KCNIP1: variants seen among roughly 807,000 people sequenced by gnomAD.
The protein encoded by KCNIP1 is potassium voltage-gated channel interacting protein 1, also known as A-type potassium channel modulatory protein KCNIP1.
KCNIP1 carries 18 observed loss-of-function variants against 33.0 expected under a neutral mutation model. The observed-to-expected ratio is 0.55, with a 90% CI of 0.38 to 0.81. The LOEUF (loss-of-function observed/expected upper bound fraction) is 0.81, where lower values mean the gene tolerates loss of function less well. Ranked by LOEUF, KCNIP1 falls within the 30% of genes least tolerant of loss-of-function variation. The pLI, the probability that KCNIP1 is intolerant of heterozygous loss-of-function variation, is 0.00. For missense variants in KCNIP1, 238 were observed against 271.6 expected (o/e 0.88, Z 0.87); for synonymous variants, 93 against 98.3 (o/e 0.95, Z 0.32).
At chr5:170,578,926 G>A (rs1012572316) in intron 1 of KCNIP1, among the ~76,000 whole-genome samples, 5 of 152,178 alleles carry the variant, frequency 3.3e-5, no homozygotes, top group African/African-American at 9.7e-5. Context: ...AGGGCCCTGA[G>A]GTGGGAACAA....
At chr5:170,695,283 A>T (rs1462473959) in intron 1 of KCNIP1, among the ~76,000 whole-genome samples, 2 of 151,896 alleles carry the variant, frequency 1.3e-5, no homozygotes, top group African/African-American at 2.4e-5. Flanking sequence ...CAGTTGCAAC[A>T]CTCTCCTAGC....
At chr5:170,627,602 G>T (rs1220736545) in intron 1 of KCNIP1, among the ~76,000 whole-genome samples, 1 of 152,250 alleles carries the variant, frequency 6.6e-6, no homozygotes, top group African/African-American at 2.4e-5. Context: ...GCCTGAGATG[G>T]CTCATGGGTG....
At chr5:170,376,147 A>ATTTT (rs1383749227) in intron 1 of KCNIP1, 2 of 96,516 alleles carry the variant, frequency 2.1e-5, no homozygotes, top group Admixed American at 2.2e-4. Context: ...TTCATGACTT[A>ATTTT]TTCTTTTTTT....
chr5:170,695,522 C>G (rs1487798324), intron 1 of KCNIP1, among the ~76,000 whole-genome samples: 2 of 152,218 alleles, frequency 1.3e-5, no homozygotes, highest in African/African-American at 4.8e-5. Context: ...ACTGTATATT[C>G]ATCCGTGCTG....
intron 1 of KCNIP1, among the ~76,000 whole-genome samples, chr5:170,630,656 G>A (rs11959284): frequency 0.013 from 1,935 of 152,318 alleles, 46 homozygotes; most frequent in African/African-American, 0.044. Context: ...AATGGGCACA[G>A]CACAGGTGAG....
At chr5:170,517,399 A>G (rs891875051) in intron 1 of KCNIP1, among the ~76,000 whole-genome samples, 3 of 152,212 alleles carry the variant, frequency 2.0e-5, no homozygotes, top group African/African-American at 7.2e-5. Flanking sequence ...GGGTGAGGAC[A>G]TAGAGGCAAA....
chr5:170,382,045 C>G (rs2113336837), intron 1 of KCNIP1, among the ~76,000 whole-genome samples: 1 of 152,258 alleles, frequency 6.6e-6, no homozygotes, highest in Middle Eastern at 3.4e-3. Flanking sequence ...GCACCCTGCC[C>G]CTTCCCGTCC....
intron 1 of KCNIP1, among the ~76,000 whole-genome samples, chr5:170,467,549 G>A (rs973286377): frequency 2.6e-5 from 4 of 152,138 alleles, no homozygotes; most frequent in African/African-American, 7.2e-5. Flanking sequence ...CCCCATCCAC[G>A]CTCAGGTTCT....
intron 1 of KCNIP1, chr5:170,422,251 G>A (rs1470189943): frequency 6.6e-6 from 1 of 152,208 alleles, no homozygotes; most frequent in Non-Finnish European, 1.5e-5. Context: ...AGGGCAATGA[G>A]AAAGGAACTT....
At chr5:170,533,088 A>C (rs938682912) in intron 1 of KCNIP1, among the ~76,000 whole-genome samples, 2 of 152,218 alleles carry the variant, frequency 1.3e-5, no homozygotes, top group African/African-American at 2.4e-5. Context: ...GTCTGTTTAG[A>C]AACTCAGGAG....
chr5:170,358,422 C>T (rs1445077813), intron 1 of KCNIP1, among the ~76,000 whole-genome samples: 2 of 152,180 alleles, frequency 1.3e-5, no homozygotes, highest in South Asian at 2.1e-4. Flanking sequence ...CCTCTTGCCT[C>T]CTCCCACTGC....
chr5:170,689,239 T>C (rs1009468148), intron 1 of KCNIP1, among the ~76,000 whole-genome samples: 46 of 152,190 alleles, frequency 3.0e-4, no homozygotes, highest in African/African-American at 1.1e-3. Flanking sequence ...CTAGAACAGA[T>C]GCTGGAGATA....
At chr5:170,417,433 C>G (rs1255521597) in intron 1 of KCNIP1, among the ~76,000 whole-genome samples, 1 of 152,208 alleles carries the variant, frequency 6.6e-6, no homozygotes, top group Non-Finnish European at 1.5e-5. Flanking sequence ...CTCTTCCTCC[C>G]TGAGAGTAGA....
intron 1 of KCNIP1, among the ~76,000 whole-genome samples, chr5:170,393,719 C>G (rs780688065): frequency 1.3e-5 from 2 of 152,136 alleles, no homozygotes; most frequent in African/African-American, 4.8e-5. Flanking sequence ...CAACAAGACA[C>G]GACAAAAAAC....
At chr5:170,513,049 T>C (rs6555902) in intron 1 of KCNIP1, among the ~76,000 whole-genome samples, 120,436 of 150,492 alleles carry the variant, frequency 0.8, 48,980 homozygotes, top group East Asian at 0.99. Context: ...GACTCCATCT[T>C]GGAAAAAAAA....
intron 6 of KCNIP1, among the ~76,000 whole-genome samples, chr5:170,733,254 A>T (rs113392200): frequency 3.2e-4 from 48 of 152,324 alleles, no homozygotes; most frequent in African/African-American, 8.4e-4. Context: ...GGAAACTAGG[A>T]TAGGGCCAGA....
At chr5:170,677,268 G>A (rs1210635994) in intron 1 of KCNIP1, among the ~76,000 whole-genome samples, 1 of 152,182 alleles carries the variant, frequency 6.6e-6, no homozygotes. Context: ...CATAGTCACA[G>A]AGCTAAGTAG....
chr5:170,712,586 C>A (rs1255904802), intron 1 of KCNIP1, among the ~76,000 whole-genome samples: 4 of 152,208 alleles, frequency 2.6e-5, no homozygotes, highest in Non-Finnish European at 5.9e-5. Context: ...CCCATCTCTG[C>A]AGGCTGCATG....
intron 1 of KCNIP1, among the ~76,000 whole-genome samples, chr5:170,488,164 G>A (rs1006590944): frequency 1.3e-5 from 2 of 152,192 alleles, no homozygotes; most frequent in Admixed American, 1.3e-4. Flanking sequence ...CAAACCAGCA[G>A]TTCTTAAATT....
Sources: gnomAD v4.1 joint callset for allele counts (sites outside exome capture counted in the v4.1 genomes callset) on GRCh38, gnomAD v4.1.1 for gene constraint, MANE v1.5 for transcripts, NCBI Gene and HGNC (gene_info 2026-07-23, HGNC 2026-07-21) for gene names.